The following KDM2B variants were observed in gnomAD, a reference collection of about 807,000 sequenced individuals.
KDM2B encodes lysine-specific demethylase 2B.
In KDM2B, 26 loss-of-function variants were observed where a neutral mutation model predicts 150.0. That is an observed-to-expected ratio of 0.17 (90% CI 0.13 to 0.24). The LOEUF is 0.24. KDM2B is among the 10% of genes least tolerant of loss of function. KDM2B has a pLI of 1.00. For synonymous variants in KDM2B, 734 were observed against 729.5 expected, an observed-to-expected ratio of 1.01 and a Z score of -0.10; for missense variants, 1,265 against 1,816.9, an observed-to-expected ratio of 0.70 and a Z score of 5.52.
intron 12 of KDM2B, among the ~76,000 whole-genome samples, chr12:121,464,827 T>C (rs1385336530): frequency 6.6e-6 from 1 of 152,216 alleles, no homozygotes; most frequent in Non-Finnish European, 1.5e-5. Context: ...GAGCTGGGTC[T>C]GGAGCCTGCA....
intron 1 of KDM2B, chr12:121,579,506 G>T (rs1566442058): frequency 2.1e-6 from 1 of 473,776 alleles, no homozygotes; most frequent in Non-Finnish European, 3.8e-6. Context: ...CCCGCCGCCC[G>T]CCCGCCAGTG....
the KDM2B span, chr12:121,418,519 T>A: frequency 6.6e-6 from 1 of 152,306 alleles, no homozygotes; most frequent in South Asian, 2.1e-4. Flanking sequence ...TTTGAACAAA[T>A]TTTTTCACGC....
rs28671138 is a variant in KDM2B at position 121,537,251 on chromosome 12, C to T, written c.684-2661G>A. 53,366 of 153,018 alleles carry T rather than the reference C, an allele frequency of 0.35. 11,386 individuals carry two copies. The highest frequency in any genetic ancestry group is 0.45 in the Non-Finnish European group (30,903 of 68,710). The allele number at this position is 153,018 out of a possible 1,614,324, so 9.5% of individuals were successfully genotyped here. A position where few individuals can be genotyped will look rare whatever the true frequency, so the allele number is the denominator to read the frequency against. Reference sequence around the variant, plus strand: ...CCCCCGCTCCCGCCCCGCGCTGGCTCCGGGGCTCCCCCCTGGCTGGTTTGC... The same window carrying T: ...CCCCCGCTCCCGCCCCGCGCTGGCTTCGGGGCTCCCCCCTGGCTGGTTTGC... On this transcript the variant is annotated intron_variant, in intron 6 of 22. Transcript: ENST00000377071. This position sits in a 1 kb window ranked among gnomAD's most constrained non-coding sequence, Gnocchi z 8.7.
At chr12:121,451,403 A>C (rs1877258007) in intron 13 of KDM2B, among the ~76,000 whole-genome samples, 1 of 152,186 alleles carries the variant, frequency 6.6e-6, no homozygotes, top group Non-Finnish European at 1.5e-5. Flanking sequence ...ACAGTAGTTA[A>C]GTTTTAGGGG....
In KDM2B at chr12:121,521,333, G is replaced by T. The variant is rs782324826; in HGVS notation, c.932-233C>A. ...GCAGCCACTGTCTGGCTCAAGTCAGGAGCTGGGAAGCTGCAGATCAGCCCC... is the reference window on the plus strand; with the variant it reads ...GCAGCCACTGTCTGGCTCAAGTCAGTAGCTGGGAAGCTGCAGATCAGCCCC... On this transcript the variant is annotated intron_variant, in intron 8 of 22. Coordinates refer to ENST00000377071, the MANE Select transcript of KDM2B (RefSeq NM_032590.5). The surrounding 1 kb of genome is among the most constrained non-coding windows in gnomAD (Gnocchi z 4.9). Among the ~76,000 whole-genome samples, 15 of 152,208 alleles carry T rather than the reference G, an allele frequency of 9.9e-5. No homozygotes were observed. The highest frequency in any genetic ancestry group is 2.1e-4 in the Non-Finnish European group (14 of 68,034).
intron 11 of KDM2B, among the ~76,000 whole-genome samples, chr12:121,505,739 C>T (rs1885010497): frequency 6.6e-6 from 1 of 152,100 alleles, no homozygotes; most frequent in African/African-American, 2.4e-5. Context: ...AGCCAAAGAT[C>T]CTAGCAGGTC....
At chr12:121,547,659 T>C in intron 6 of KDM2B, among the ~76,000 whole-genome samples, 1 of 148,550 alleles carries the variant, frequency 6.7e-6, no homozygotes, top group Admixed American at 6.7e-5. Context: ...TTTTTTTTTT[T>C]TTTTTTTTGA....
intron 4 of KDM2B, among the ~76,000 whole-genome samples, chr12:121,559,452 T>C (rs1312273058): frequency 1.3e-5 from 2 of 152,134 alleles, no homozygotes; most frequent in Non-Finnish European, 2.9e-5. Context: ...ACAGGTCACC[T>C]GTTCATGCCA....
At chr12:121,438,915 C>G (rs1593728637) in intron 22 of KDM2B, among the ~76,000 whole-genome samples, 2 of 151,948 alleles carry the variant, frequency 1.3e-5, no homozygotes, top group Non-Finnish European at 2.9e-5. Flanking sequence ...CCAGACCATC[C>G]TAAGCTACCA....
rs1236840861 is a variant in KDM2B, at chr12:121,430,752, A to G, written c.3830-283T>C. On this transcript the variant is annotated intron_variant, in intron 22 of 22. Transcript: ENST00000377071. The surrounding 1 kb of genome is among the most constrained non-coding windows in gnomAD (Gnocchi z 4.4). ...CACACAGCTGCCTCTATACGTGCGT[A>G]TGCTCATGTAAGTAGTTCTATGTGC... The G allele has an allele frequency of 1.4e-5, 8 of 563,340 alleles. No individual in the cohort carries two copies. Among genetic ancestry groups the G allele is most frequent in the Non-Finnish European group, 2.5e-5 (8 of 317,790 alleles). The allele number at this position is 563,340 out of a possible 1,614,324, so 34.9% of individuals were successfully genotyped here. A position where few individuals can be genotyped will look rare whatever the true frequency, so the allele number is the denominator to read the frequency against.
intron 12 of KDM2B, among the ~76,000 whole-genome samples, chr12:121,476,218 C>T (rs181441613): frequency 1.3e-5 from 2 of 152,002 alleles, no homozygotes; most frequent in Non-Finnish European, 2.9e-5. Context: ...TCACTCAAAC[C>T]CGGGAGGCGG....
intron 6 of KDM2B, among the ~76,000 whole-genome samples, chr12:121,540,104 T>C (rs1419443227): frequency 1.3e-5 from 2 of 152,174 alleles, no homozygotes; most frequent in African/African-American, 4.8e-5. Flanking sequence ...AGTTTCCTTG[T>C]CTATAAAATG....
chr12:121,556,224 C>CTGTTTTT (rs1372182390), intron 4 of KDM2B, among the ~76,000 whole-genome samples: 1 of 151,952 alleles, frequency 6.6e-6, no homozygotes, highest in Non-Finnish European at 1.5e-5. Context: ...TGCACTCGGC[C>CTGTTTTT]TGTTTTTTGT....
In KDM2B at chr12:121,430,211, G is replaced by A. The variant is rs1555285143; in HGVS notation, c.*77C>T. 1.2e-6 allele frequency: 2 copies of A among 1,614,084 alleles called. No individual in the cohort carries two copies. Among genetic ancestry groups the A allele is most frequent in the Admixed American group, 3.3e-5 (2 of 60,010 alleles). ...TGGTCTGTTGTCCCACGTTCCAAAT[G>A]GAAAATAAAAGCCCTCATTTTTGTA... On this transcript the variant is annotated 3_prime_UTR_variant, in exon 23 of 23. Transcript: ENST00000377071. This position sits in a 1 kb window ranked among gnomAD's most constrained non-coding sequence, Gnocchi z 4.4.
At chr12:121,511,678 T>C (rs1235031902) in intron 10 of KDM2B, among the ~76,000 whole-genome samples, 1 of 152,230 alleles carries the variant, frequency 6.6e-6, no homozygotes, top group Non-Finnish European at 1.5e-5. Flanking sequence ...AGTGGCTGCA[T>C]GTATCTGTGA....
At chr12:121,522,439 C>A (rs1292434826) in intron 8 of KDM2B, among the ~76,000 whole-genome samples, 1 of 151,172 alleles carries the variant, frequency 6.6e-6, no homozygotes, top group Non-Finnish European at 1.5e-5. Flanking sequence ...CGCTTGAACC[C>A]GGAAGGTGAG....
rs532626347 is a variant in KDM2B, at chr12:121,549,068, C to T, written c.577-85G>A. The T allele has an allele frequency of 1.5e-5, 16 of 1,040,712 alleles. No homozygotes were observed. Among genetic ancestry groups the T allele is most frequent in the African/African-American group, 3.1e-5 (2 of 63,846 alleles). 64.5% of individuals were successfully genotyped at this position (1,040,712 alleles called of 1,614,324 possible). A position where few individuals can be genotyped will look rare whatever the true frequency, so the allele number is the denominator to read the frequency against. ...CCCTTTCCCCGGAGAGTCCTTGGGC[C>T]CCCCCGCTCCCCCAATCTACTGTGG... On this transcript the variant is annotated intron_variant, in intron 5 of 22. Coordinates refer to ENST00000377071, the MANE Select transcript of KDM2B (RefSeq NM_032590.5). The surrounding 1 kb of genome is among the most constrained non-coding windows in gnomAD (Gnocchi z 4.4).
chr12:121,578,269 C>G (rs1891648743), intron 2 of KDM2B, among the ~76,000 whole-genome samples: 1 of 152,190 alleles, frequency 6.6e-6, no homozygotes, highest in Non-Finnish European at 1.5e-5. Flanking sequence ...GGGAATGCGG[C>G]TCTGCGGACC....
At chr12:121,568,473 A>T (rs1555315367) in intron 4 of KDM2B, among the ~76,000 whole-genome samples, 1 of 152,154 alleles carries the variant, frequency 6.6e-6, no homozygotes, top group African/African-American at 2.4e-5. Context: ...AAAAACAAAC[A>T]AACAAAATCA....
Sources: allele counts gnomAD v4.1 joint callset (sites outside exome capture counted in the v4.1 genomes callset), GRCh38; gene constraint gnomAD v4.1.1; non-coding constraint Gnocchi (gnomAD v3.1); transcripts MANE v1.5; gene names NCBI Gene and HGNC (gene_info 2026-07-23, HGNC 2026-07-21).